DRICH1: variants seen among roughly 807,000 people sequenced by gnomAD.
The protein encoded by DRICH1 is aspartate rich 1.
DRICH1 carries 38 observed loss-of-function variants against 39.5 expected under a neutral mutation model. The observed-to-expected ratio is 0.96, with a 90% CI of 0.74 to 1.26. The LOEUF is 1.26. Ranked by LOEUF, DRICH1 falls within the 50% of genes most tolerant of loss-of-function variation. DRICH1 has a pLI of 0.00. For missense variants in DRICH1, 279 were observed against 270.4 expected (o/e 1.03, Z -0.22); for synonymous variants, 84 against 99.5 (o/e 0.84, Z 0.93).
At chr22:23,611,093 GT>G (rs1411087334) in intron 11 of DRICH1, among the ~76,000 whole-genome samples, 2 of 152,148 alleles carry the variant, frequency 1.3e-5, no homozygotes, top group Non-Finnish European at 2.9e-5. Context: ...GGAGCAATGG[GT>G]AACACCAGCC....
chr22:23,589,698 C>T, the DRICH1 span, among the ~76,000 whole-genome samples: 1 of 152,114 alleles, frequency 6.6e-6, no homozygotes, highest in Non-Finnish European at 1.5e-5. Context: ...GAGTGTCCTC[C>T]TTTCTGTCAC....
the DRICH1 span, among the ~76,000 whole-genome samples, chr22:23,590,706 C>T: frequency 6.6e-6 from 1 of 152,132 alleles, no homozygotes; most frequent in Non-Finnish European, 1.5e-5. Context: ...TCAAGTGATT[C>T]TCCCGCCTCA....
the DRICH1 span, among the ~76,000 whole-genome samples, chr22:23,603,172 C>G: frequency 2.6e-5 from 4 of 152,018 alleles, no homozygotes; most frequent in Non-Finnish European, 4.4e-5. Context: ...CCCCCCAAAA[C>G]AAATTTCTCG....
Position 23,625,954 on chromosome 22 carries a change from T to TTAGAAGGCAAAGAAAGGGGG in DRICH1, c.276+7_276+26dup, listed in dbSNP as rs571077821. The TTAGAAGGCAAAGAAAGGGGG allele has an allele frequency of 2.3e-3, 3,663 of 1,590,476 alleles. 98 individuals carry two copies. The South Asian group carries it at 0.034, about 15-fold the overall frequency. Reference sequence around the variant, plus strand: ...CTGACATCAGGAAAGCAACATTTCCTTAGAAGGCAAAGAAAGGGGGTCTTA... The same window carrying TTAGAAGGCAAAGAAAGGGGG: ...CTGACATCAGGAAAGCAACATTTCCTTAGAAGGCAAAGAAAGGGGGTAGAAGGCAAAGAAAGGGGGTCTTA... On this transcript the variant is annotated intron_variant, in intron 2 of 11. Transcript: ENST00000317749.
intron 11 of DRICH1, chr22:23,610,684 C>G (rs1213060371): frequency 6.6e-6 from 1 of 152,210 alleles, no homozygotes; most frequent in Non-Finnish European, 1.5e-5. Context: ...TTAGGTTTCC[C>G]TTCCATTTTT....
chr22:23,619,040 C>T (rs1927550836), intron 6 of DRICH1, among the ~76,000 whole-genome samples: 1 of 151,826 alleles, frequency 6.6e-6, no homozygotes, highest in East Asian at 1.9e-4. Context: ...GACGTGGTGG[C>T]ATGCATCTGT....
chr22:23,632,271 A>G lies in DRICH1; in HGVS notation c.-248T>C, dbSNP rs1921007604. The stretch of plus-strand genomic sequence containing the variant: ...AGCACCCAAAGGTGCAAAAACTGCC[A>G]TCAAAGAGCACAGTTGGAGCTCCTC... On this transcript the variant is annotated 5_prime_UTR_variant, in exon 1 of 12. An upstream start codon of the reference 5' UTR is lost. Transcript: ENST00000317749. 2 of 556,360 alleles carry G rather than the reference A, an allele frequency of 3.6e-6. No individual in the cohort carries two copies. Among genetic ancestry groups the G allele is most frequent in the Non-Finnish European group, 6.3e-6 (2 of 318,692 alleles). 34.5% of individuals were successfully genotyped at this position (556,360 alleles called of 1,614,324 possible). A position where few individuals can be genotyped will look rare whatever the true frequency, so the allele number is the denominator to read the frequency against.
At chr22:23,613,420 C>T (rs1927162152) in intron 10 of DRICH1, 90 bp from the exon 11 acceptor site, 1 of 1,125,756 alleles carries the variant, frequency 8.9e-7, no homozygotes, top group African/African-American at 1.5e-5. Flanking sequence ...GAGTGATGAG[C>T]TAGTCTCCCA....
intron 3 of DRICH1, 126 bp from the exon 4 acceptor site, chr22:23,622,302 C>T: frequency 1.2e-6 from 1 of 855,688 alleles, no homozygotes; most frequent in East Asian, 2.5e-5. Context: ...TAATGCTGGG[C>T]TATTCCCCTG....
chr22:23,598,138 T>A, the DRICH1 span, among the ~76,000 whole-genome samples: 4,661 of 133,932 alleles, frequency 0.035, 148 homozygotes, highest in African/African-American at 0.13. Flanking sequence ...ACCTCAGACC[T>A]CGCTGTCCCT....
chr22:23,598,675 C>G, the DRICH1 span, among the ~76,000 whole-genome samples: 1 of 152,192 alleles, frequency 6.6e-6, no homozygotes, highest in Non-Finnish European at 1.5e-5. Flanking sequence ...AGCCCTGACT[C>G]GGCCTTACTC....
chr22:23,583,745 A>C, the DRICH1 span: 1 of 152,546 alleles, frequency 6.6e-6, no homozygotes, highest in African/African-American at 2.4e-5. Context: ...GCCCCAATCC[A>C]GTCTAGCTTC....
Position 23,612,421 on chromosome 22 carries a change from C to T in DRICH1, c.685+868G>A, listed in dbSNP as rs147075410. On this transcript the variant is annotated intron_variant, in intron 11 of 11. Transcript: ENST00000317749. ...GGCGGAGCTTGCAGTGAGCCGAGAT[C>T]GCACCACTGCACTCCAGCCTGGGTG... Among the ~76,000 whole-genome samples the T allele has an allele frequency of 1.2e-3, 168 of 144,104 alleles. 1 individual carries two copies. In the East Asian group the frequency reaches 0.03, roughly 26 times the overall value. 94.5% of individuals were successfully genotyped at this position (144,104 alleles called of 152,430 possible).
chr22:23,617,692 T>C lies in DRICH1; in HGVS notation c.437-35A>G, dbSNP rs1602338565. 3 of 1,592,960 alleles carry C rather than the reference T, an allele frequency of 1.9e-6. No homozygotes were observed. The East Asian group carries it at 6.7e-5, about 36-fold the overall frequency. Reference sequence around the variant, plus strand: ...CACAGAGGAAAGATCCGTGCCCTGGTTGTTTGTGACTGTGAGTCACTCAGG... The same window carrying C: ...CACAGAGGAAAGATCCGTGCCCTGGCTGTTTGTGACTGTGAGTCACTCAGG... On this transcript the variant is annotated intron_variant, in intron 6 of 11. Coordinates refer to ENST00000317749, the MANE Select transcript of DRICH1 (RefSeq NM_016449.4).
In DRICH1 at chr22:23,619,362, A is replaced by C; in HGVS notation, c.436+2T>G. On this transcript the variant is annotated splice_donor_variant, in intron 6 of 11. Transcript: ENST00000317749. LOFTEE classifies it high-confidence loss of function. ...TACTACACACATGATCTACAGACTC[A>C]CAAGAACTGCTATCAAACCGGTAAC... The C allele has an allele frequency of 1.3e-6, 1 of 780,826 alleles. No homozygotes were observed. Among genetic ancestry groups the C allele is most frequent in the South Asian group, 1.3e-5 (1 of 74,614 alleles). The allele number at this position is 780,826 out of a possible 1,614,324, so 48.4% of individuals were successfully genotyped here. A position where few individuals can be genotyped will look rare whatever the true frequency, so the allele number is the denominator to read the frequency against.
At chr22:23,588,574 G>A in the DRICH1 span, among the ~76,000 whole-genome samples, 1 of 152,178 alleles carries the variant, frequency 6.6e-6, no homozygotes, top group African/African-American at 2.4e-5. Flanking sequence ...CCAGGCAGGG[G>A]GCCCTACTGT....
At chr22:23,593,660 A>G in the DRICH1 span, among the ~76,000 whole-genome samples, 1 of 150,534 alleles carries the variant, frequency 6.6e-6, no homozygotes, top group Non-Finnish European at 1.5e-5. Context: ...TTAGCTGGGC[A>G]TGATGTCGCG....
At chr22:23,618,731 T>C (rs1296375103) in intron 6 of DRICH1, among the ~76,000 whole-genome samples, 1 of 152,222 alleles carries the variant, frequency 6.6e-6, no homozygotes, top group Admixed American at 6.5e-5. Context: ...ATACATGATC[T>C]ACTGAAATGA....
At chr22:23,629,675 T>A (rs1173966587) in intron 1 of DRICH1, among the ~76,000 whole-genome samples, 1 of 152,152 alleles carries the variant, frequency 6.6e-6, no homozygotes, top group Admixed American at 6.5e-5. Context: ...GAGGGGGCAG[T>A]GGCTCGATCT....
Sources: allele counts gnomAD v4.1 joint callset (sites outside exome capture counted in the v4.1 genomes callset), GRCh38; gene constraint gnomAD v4.1.1; transcripts MANE v1.5; gene names NCBI Gene and HGNC (gene_info 2026-07-23, HGNC 2026-07-21).